The following STAG1 variants were observed in gnomAD, a reference collection of about 807,000 sequenced individuals.
The protein encoded by STAG1 is STAG1 cohesin complex component.
Under a neutral mutation model 170.9 loss-of-function variants are expected in STAG1, and 26 were observed. The ratio of observed to expected loss-of-function variants is 0.15; its 90% confidence interval spans 0.11 to 0.21. The LOEUF (loss-of-function observed/expected upper bound fraction) is 0.21, where lower values mean the gene tolerates loss of function less well. Ranked by LOEUF, STAG1 falls within the 10% of genes least tolerant of loss-of-function variation. The pLI, the probability that STAG1 is intolerant of heterozygous loss-of-function variation, is 1.00. For synonymous variants in STAG1, 514 were observed against 497.7 expected, an observed-to-expected ratio of 1.03 and a Z score of -0.44; for missense variants, 964 against 1,509.5, an observed-to-expected ratio of 0.64 and a Z score of 5.99.
intron 1 of STAG1, among the ~76,000 whole-genome samples, chr3:136,673,975 T>C (rs945387900): frequency 6.6e-6 from 1 of 151,204 alleles, no homozygotes; most frequent in Non-Finnish European, 1.5e-5. Context: ...TGGTGGTGCA[T>C]GCCTGTAGTC....
rs1162145303 is a variant in STAG1, at chr3:136,515,138, G to A, written c.676+6075C>T. ...TCAGCGCTTTGGGAGGCCAAGGTGG[G>A]CGGACTGCCCGAGGTGAGGAGTTCG... On this transcript the variant is annotated intron_variant, in intron 7 of 33. Transcript: ENST00000383202. 3.9e-5 allele frequency among the ~76,000 whole-genome samples: 6 copies of A among 152,138 alleles called. No homozygotes were observed. In the East Asian group the frequency reaches 5.8e-4, roughly 15 times the overall value.
chr3:136,431,838 G>T (rs1336904642), intron 16 of STAG1, among the ~76,000 whole-genome samples: 1 of 152,086 alleles, frequency 6.6e-6, no homozygotes, highest in Non-Finnish European at 1.5e-5. Context: ...TTGCTTTCAA[G>T]ATTTTTTGTC....
At chr3:136,667,978 A>G (rs991237120) in intron 1 of STAG1, among the ~76,000 whole-genome samples, 2 of 151,816 alleles carry the variant, frequency 1.3e-5, no homozygotes, top group Non-Finnish European at 2.9e-5. Flanking sequence ...GCTTGAGGCC[A>G]GGAGGTAAGA....
chr3:136,570,099 C>G lies in STAG1; in HGVS notation c.298-1238G>C, dbSNP rs1461879324. Among the ~76,000 whole-genome samples, 3 of 151,980 alleles carry G rather than the reference C, an allele frequency of 2.0e-5. No individual in the cohort carries two copies. The East Asian group carries it at 5.8e-4, about 29-fold the overall frequency. On this transcript the variant is annotated intron_variant, in intron 4 of 33. Transcript: ENST00000383202. Reference sequence around the variant, plus strand: ...TTTATATACAGTAAAATGCATTAATCCTGTTATACCTTAATTTTTATAAAT... The same window carrying G: ...TTTATATACAGTAAAATGCATTAATGCTGTTATACCTTAATTTTTATAAAT...
intron 24 of STAG1, among the ~76,000 whole-genome samples, chr3:136,368,527 C>A (rs896719358): frequency 1.4e-5 from 2 of 144,930 alleles, no homozygotes; most frequent in African/African-American, 4.8e-5. Flanking sequence ...CTGGACATAG[C>A]CAATTAGAAA....
intron 8 of STAG1, 67 bp from the exon 9 acceptor site, chr3:136,500,363 G>GT: frequency 1.8e-6 from 2 of 1,082,250 alleles, no homozygotes; most frequent in Non-Finnish European, 2.7e-6. Context: ...AGCTCCAATT[G>GT]TTTTTAATTC....
At chr3:136,593,232 C>T (rs1938272488) in intron 4 of STAG1, among the ~76,000 whole-genome samples, 1 of 152,158 alleles carries the variant, frequency 6.6e-6, no homozygotes, top group African/African-American at 2.4e-5. Flanking sequence ...AAGCCCAGTG[C>T]GTGGGACCAG....
intron 16 of STAG1, among the ~76,000 whole-genome samples, chr3:136,427,864 T>C (rs1329935233): frequency 6.6e-6 from 1 of 152,094 alleles, no homozygotes; most frequent in Non-Finnish European, 1.5e-5. Flanking sequence ...GCCAAAGGAA[T>C]GTGAAGGTTA....
At chr3:136,499,764 GT>G (rs1444161030) in intron 9 of STAG1, 1 of 151,328 alleles carries the variant, frequency 6.6e-6, no homozygotes, top group Non-Finnish European at 1.5e-5. Flanking sequence ...TGAAGATACA[GT>G]TGTTGCATTA....
chr3:136,587,489 G>A (rs576224493), intron 4 of STAG1, among the ~76,000 whole-genome samples: 28 of 128,156 alleles, frequency 2.2e-4, no homozygotes, highest in Admixed American at 6.2e-4. Flanking sequence ...GCAGGGAGCC[G>A]AGATCACACC....
chr3:136,591,243 G>A (rs570772881), intron 4 of STAG1, among the ~76,000 whole-genome samples: 54 of 147,758 alleles, frequency 3.7e-4, no homozygotes, highest in Admixed American at 3.4e-4. Flanking sequence ...AAGGGAGGGA[G>A]GGAGGGAGGA....
At chr3:136,582,085 G>A (rs12630999) in intron 4 of STAG1, among the ~76,000 whole-genome samples, 113,792 of 152,000 alleles carry the variant, frequency 0.75, 42,695 homozygotes, top group East Asian at 0.86. Flanking sequence ...ATCTTAGTAA[G>A]TCACTAAGTG....
chr3:136,718,422 G>C (rs1559969914), intron 1 of STAG1, among the ~76,000 whole-genome samples: 1 of 152,108 alleles, frequency 6.6e-6, no homozygotes, highest in Non-Finnish European at 1.5e-5. Context: ...GTGTCTTTAA[G>C]TGAAATTTTC....
intron 23 of STAG1, among the ~76,000 whole-genome samples, chr3:136,377,204 G>C (rs1432209463): frequency 6.7e-6 from 1 of 148,802 alleles, no homozygotes; most frequent in Admixed American, 6.7e-5. Flanking sequence ...TCGAGACCAT[G>C]GTGAAACCCC....
chr3:136,440,147 C>CT (rs555958561), intron 15 of STAG1, among the ~76,000 whole-genome samples: 16 of 151,526 alleles, frequency 1.1e-4, no homozygotes, highest in African/African-American at 3.2e-4. Context: ...TTATTTTTTT[C>CT]TTTTTTTTGA....
chr3:136,377,983 G>A (rs930291236), intron 22 of STAG1, among the ~76,000 whole-genome samples: 7 of 152,176 alleles, frequency 4.6e-5, no homozygotes, highest in African/African-American at 1.7e-4. Context: ...GGAATACTCA[G>A]TATGATTGTT....
chr3:136,491,263 G>A (rs1016906883), intron 9 of STAG1, among the ~76,000 whole-genome samples: 10 of 152,062 alleles, frequency 6.6e-5, no homozygotes, highest in African/African-American at 2.4e-4. Context: ...GACTACAGGT[G>A]CACACTACCA....
chr3:136,562,604 T>G (rs527660768), intron 5 of STAG1, among the ~76,000 whole-genome samples: 1 of 152,102 alleles, frequency 6.6e-6, no homozygotes, highest in East Asian at 1.9e-4. Flanking sequence ...TTTCTTTTTT[T>G]GAGACAGAGT....
chr3:136,486,731 T>C (rs912829316), intron 9 of STAG1, among the ~76,000 whole-genome samples: 5 of 152,100 alleles, frequency 3.3e-5, no homozygotes, highest in African/African-American at 1.2e-4. Context: ...CATCTAACTC[T>C]TCCAACTAAC....
Sources: gnomAD v4.1 joint callset for allele counts (sites outside exome capture counted in the v4.1 genomes callset) on GRCh38, gnomAD v4.1.1 for gene constraint, MANE v1.5 for transcripts, NCBI Gene and HGNC (gene_info 2026-07-23, HGNC 2026-07-21) for gene names.